RGMA: variants seen among roughly 807,000 people sequenced by gnomAD.
RGMA encodes the protein repulsive guidance molecule A.
A neutral mutation model predicts 23.2 loss-of-function variants in RGMA; 10 were observed. That is an observed-to-expected ratio of 0.43 (90% confidence interval 0.27 to 0.73). RGMA has a LOEUF of 0.73. Among genes scored for constraint, RGMA ranks in the 30% least tolerant of loss-of-function variants. The probability of loss-of-function intolerance (pLI) is 0.20; values close to 1 mark genes in which losing one functional copy is unlikely to be tolerated. For missense variants in RGMA, 547 were observed against 630.5 expected (o/e 0.87, Z 1.42); for synonymous variants, 308 against 279.3 (o/e 1.10, Z -1.03).
chr15:93,037,911 C>G lies in RGMA; in HGVS notation c.*7087G>C, dbSNP rs1286095573. The G allele has an allele frequency of 2.0e-5, 3 of 152,392 alleles. No individual in the cohort carries two copies. The highest frequency in any genetic ancestry group is 7.2e-5 in the African/African-American group (3 of 41,572). 9.4% of individuals were successfully genotyped at this position (152,392 alleles called of 1,614,324 possible). ...GGATCTGGGCTGCCTGGGATCACAG[C>G]CCTCATTCCGGAACGCCACTGACAT... On this transcript the variant is annotated 3_prime_UTR_variant, in exon 4 of 4. Coordinates refer to ENST00000329082, the MANE Select transcript of RGMA (RefSeq NM_020211.3). This position sits in a 1 kb window ranked among gnomAD's most constrained non-coding sequence, Gnocchi z 4.3.
intron 2 of RGMA, among the ~76,000 whole-genome samples, chr15:93,067,248 A>G (rs1398542209): frequency 5.3e-5 from 8 of 152,050 alleles, no homozygotes; most frequent in Non-Finnish European, 5.9e-5. Flanking sequence ...ACCAGAAAAA[A>G]TTATTTTGGA....
Position 93,043,947 on chromosome 15 carries a change from G to C in RGMA, c.*1051C>G, listed in dbSNP as rs555389992. 6.5e-6 allele frequency: 1 copy of C among 152,784 alleles called. No homozygotes were observed. The highest frequency in any genetic ancestry group is 6.5e-5 in the Admixed American group (1 of 15,320). The allele number at this position is 152,784 out of a possible 1,614,324, so 9.5% of individuals were successfully genotyped here. A position where few individuals can be genotyped will look rare whatever the true frequency, so the allele number is the denominator to read the frequency against. ...GAAATGAGGCGGGAGCCAGCGGCAA[G>C]TCTCTCCTGGCTGTGTGGCCACAGG... On this transcript the variant is annotated 3_prime_UTR_variant, in exon 4 of 4. Transcript: ENST00000329082.
At position 93,045,702 on chromosome 15, in the gene RGMA, T is replaced by C; in HGVS notation, c.649A>G (p.Thr217Ala). ...TCCTGGAAGTTCTTGAAGATGATGG[T>C]GAGCTGCCGGGGAAAGGGGCAGAGG... ...GSAATATSKL[T>A]IIFKNFQECV... Residue 217 changes from threonine (T) to alanine (A), a missense_variant, in exon 4 of 4, where the codon ACC becomes GCC. Physicochemically the swap from Thr to Ala is moderately conservative, Grantham distance 58. This residue lies in a region of RGMA where 128 missense variants were observed against 191.7 expected (regional missense o/e 0.67). Transcript: ENST00000329082. This position sits in a 1 kb window ranked among gnomAD's most constrained non-coding sequence, Gnocchi z 6.9. 6.2e-7 allele frequency: 1 copy of C among 1,601,056 alleles called. No homozygotes were observed. The highest frequency in any genetic ancestry group is 8.5e-7 in the Non-Finnish European group (1 of 1,178,996).
chr15:93,068,159 A>C (rs1895216678), intron 2 of RGMA, among the ~76,000 whole-genome samples: 2 of 152,180 alleles, frequency 1.3e-5, no homozygotes, highest in African/African-American at 2.4e-5. Flanking sequence ...CAGTTTTAAA[A>C]CTAGGAAAGT....
At chr15:93,066,405 G>T in intron 2 of RGMA, 1 of 684,646 alleles carries the variant, frequency 1.5e-6, no homozygotes, top group Non-Finnish European at 2.7e-6. Flanking sequence ...GGAAACGGGG[G>T]GCGGGGGTTT....
chr15:93,071,965 T>A (rs914677553), intron 2 of RGMA, among the ~76,000 whole-genome samples: 2 of 152,256 alleles, frequency 1.3e-5, no homozygotes, highest in Non-Finnish European at 2.9e-5. Context: ...TGTTTATTTG[T>A]ATTTTTAGCA....
intron 1 of RGMA, among the ~76,000 whole-genome samples, chr15:93,075,347 T>G (rs1895455365): frequency 6.6e-6 from 1 of 152,176 alleles, no homozygotes; most frequent in Non-Finnish European, 1.5e-5. Flanking sequence ...CAAAGGTGCT[T>G]TGACAAACAG....
At chr15:93,072,880 G>C (rs1361280907) in intron 2 of RGMA, 36 bp downstream of exon 2, 1 of 1,573,482 alleles carries the variant, frequency 6.4e-7, no homozygotes, top group African/African-American at 1.4e-5. Flanking sequence ...GCGGCCCAGG[G>C]ACCCGGCCCC....
chr15:93,081,793 G>A (rs1895563077), intron 1 of RGMA, among the ~76,000 whole-genome samples: 1 of 152,234 alleles, frequency 6.6e-6, no homozygotes, highest in Admixed American at 6.5e-5. Context: ...GAATGGCTAA[G>A]CAAAGCTGAA....
intron 1 of RGMA, 96 bp downstream of exon 1, chr15:93,088,823 T>C: frequency 8.5e-7 from 1 of 1,177,684 alleles, no homozygotes; most frequent in South Asian, 1.4e-5. Flanking sequence ...GACGCGGGGC[T>C]AAGGAAGACC....
At chr15:93,064,517 C>T (rs1223425206) in intron 2 of RGMA, among the ~76,000 whole-genome samples, 2 of 152,190 alleles carry the variant, frequency 1.3e-5, no homozygotes, top group African/African-American at 2.4e-5. Flanking sequence ...TCACCTTCTG[C>T]GTGTGGGGGA....
chr15:93,072,374 G>C lies in RGMA; in HGVS notation c.130+542C>G, dbSNP rs372067845. 8.5e-5 allele frequency among the ~76,000 whole-genome samples: 13 copies of C among 152,276 alleles called. No individual in the cohort carries two copies. The East Asian group carries it at 1.9e-3, about 23-fold the overall frequency. ...GGCGACGCAGAAAGTTATCAAACAG[G>C]AACACCAGCTCATTTGAGCCGAGTC... is the stretch of plus-strand genomic sequence containing the variant. On this transcript the variant is annotated intron_variant, in intron 2 of 3. Coordinates refer to ENST00000329082, the MANE Select transcript of RGMA (RefSeq NM_020211.3).
At chr15:93,069,256 C>T (rs746794318) in intron 2 of RGMA, among the ~76,000 whole-genome samples, 12 of 152,182 alleles carry the variant, frequency 7.9e-5, no homozygotes, top group Non-Finnish European at 1.5e-4. Flanking sequence ...ATTATAGGCT[C>T]ATGCCACCAC....
At chr15:93,069,373 G>A (rs1895253468) in intron 2 of RGMA, among the ~76,000 whole-genome samples, 1 of 152,224 alleles carries the variant, frequency 6.6e-6, no homozygotes, top group African/African-American at 2.4e-5. Flanking sequence ...GCCTCTCAAA[G>A]TGCTGGGGTT....
intron 1 of RGMA, among the ~76,000 whole-genome samples, chr15:93,075,913 T>C (rs1005530445): frequency 3.3e-5 from 5 of 152,200 alleles, no homozygotes; most frequent in Non-Finnish European, 7.3e-5. Context: ...TAGACTATCA[T>C]GAGAAATCTA....
chr15:93,071,772 G>A (rs1263483232), intron 2 of RGMA, among the ~76,000 whole-genome samples: 2 of 152,230 alleles, frequency 1.3e-5, no homozygotes, highest in Non-Finnish European at 1.5e-5. Flanking sequence ...CCCAATCCGA[G>A]TCTAAACTCA....
intron 3 of RGMA, among the ~76,000 whole-genome samples, chr15:93,049,287 T>A (rs1385527231): frequency 1.3e-5 from 2 of 152,076 alleles, no homozygotes; most frequent in South Asian, 4.1e-4. Flanking sequence ...AGGGAGAAGA[T>A]CCCTATGCTT....
At chr15:93,058,650 C>A (rs1271108646) in intron 2 of RGMA, among the ~76,000 whole-genome samples, 2 of 152,298 alleles carry the variant, frequency 1.3e-5, no homozygotes, top group African/African-American at 4.8e-5. Context: ...GAAACTGAGG[C>A]CTAGAGGCAT....
chr15:93,049,118 C>A (rs1436983638), intron 3 of RGMA, among the ~76,000 whole-genome samples: 1 of 152,192 alleles, frequency 6.6e-6, no homozygotes, highest in Admixed American at 6.5e-5. Flanking sequence ...AACACAGCCA[C>A]GGGCGGGCTG....
Sources: allele counts gnomAD v4.1 joint callset (sites outside exome capture counted in the v4.1 genomes callset), GRCh38; gene constraint gnomAD v4.1.1; regional missense constraint gnomAD v4.1.1; non-coding constraint Gnocchi (gnomAD v3.1); transcripts MANE v1.5; gene names NCBI Gene and HGNC (gene_info 2026-07-23, HGNC 2026-07-21).